The following ACOX2 variants were observed in gnomAD, a reference collection of about 807,000 sequenced individuals.
The protein encoded by ACOX2 is peroxisomal acyl-coenzyme A oxidase 2.
Under a neutral mutation model 77.5 loss-of-function variants are expected in ACOX2, and 59 were observed. The observed-to-expected ratio is 0.76, with a 90% CI of 0.62 to 0.95. ACOX2 has a LOEUF of 0.95. ACOX2 is among the 40% of genes least tolerant of loss of function. ACOX2 has a pLI of 0.00. For synonymous variants in ACOX2, 317 were observed against 340.1 expected (o/e 0.93, Z 0.75); for missense variants, 837 against 880.4 (o/e 0.95, Z 0.62).
In ACOX2 at chr3:58,505,286, C is replaced by A; in HGVS notation, c.1984G>T (p.Glu662Ter). The change falls in exon 15 of 15, where the codon GAG becomes TAG. Residue 662 changes from glutamate (E) to a stop codon, truncating the protein, a stop_gained and splice_region_variant. Coordinates refer to ENST00000302819, the MANE Select transcript of ACOX2 (RefSeq NM_003500.4). LOFTEE classifies it high-confidence loss of function. The surrounding 1 kb of genome is among the most constrained non-coding windows in gnomAD (Gnocchi z 4.4). The stretch of plus-strand genomic sequence containing the variant: ...ATATATTCCTCATAGGCAGGGTTCT[C>A]CTGTTTGTAGAAAGAAACGCATTAT... ...WAQKSPTNTQ[E>*]NPAYEEYIRP... 6.2e-7 allele frequency: 1 copy of A among 1,611,572 alleles called. No individual in the cohort carries two copies. Among genetic ancestry groups the A allele is most frequent in the Non-Finnish European group, 8.5e-7 (1 of 1,178,944 alleles).
chr3:58,520,247 G>GAA (rs1246158855), intron 12 of ACOX2, among the ~76,000 whole-genome samples: 4 of 152,246 alleles, frequency 2.6e-5, no homozygotes, highest in Non-Finnish European at 5.9e-5. Context: ...CTGAGGCTCT[G>GAA]AAAGATTAAG....
Position 58,535,143 on chromosome 3 carries a change from C to T in ACOX2, c.-37G>A. 2 of 1,613,730 alleles carry T rather than the reference C, an allele frequency of 1.2e-6. No individual in the cohort carries two copies. The highest frequency in any genetic ancestry group is 1.1e-5 in the South Asian group (1 of 91,062). ...TCTGTCTGGTGACTATGGAGAGACA[C>T]TTCCAACCCGGCTGCTCCGAGGGTC... On this transcript the variant is annotated 5_prime_UTR_variant, in exon 2 of 15. It adds an upstream start codon to the 5' untranslated region. Transcript: ENST00000302819. This position sits in a 1 kb window ranked among gnomAD's most constrained non-coding sequence, Gnocchi z 4.8.
At position 58,526,839 on chromosome 3, in the gene ACOX2, G is replaced by T; in HGVS notation, c.1156-183C>A. ...CTCAGCTTATGTGACTCACCCAGAG[G>T]CACACAATTAGGCAATGTAGCTGTA... On this transcript the variant is annotated intron_variant, in intron 9 of 14. Transcript: ENST00000302819. The surrounding 1 kb of genome is among the most constrained non-coding windows in gnomAD (Gnocchi z 4.3). 3.2e-6 allele frequency: 2 copies of T among 630,674 alleles called. No individual in the cohort carries two copies. The highest frequency in any genetic ancestry group is 5.4e-6 in the Non-Finnish European group (2 of 371,950). 39.1% of individuals were successfully genotyped at this position (630,674 alleles called of 1,614,324 possible). A position where few individuals can be genotyped will look rare whatever the true frequency, so the allele number is the denominator to read the frequency against.
In ACOX2 at chr3:58,505,713, C is replaced by G. The variant is rs2063229504; in HGVS notation, c.1984-427G>C. Among the ~76,000 whole-genome samples the G allele has an allele frequency of 6.6e-6, 1 of 152,032 alleles. No individual in the cohort carries two copies. Among genetic ancestry groups the G allele is most frequent in the Non-Finnish European group, 1.5e-5 (1 of 68,006 alleles). On this transcript the variant is annotated intron_variant, in intron 14 of 14. Transcript: ENST00000302819. The surrounding 1 kb of genome is among the most constrained non-coding windows in gnomAD (Gnocchi z 4.4). Reference sequence around the variant, plus strand: ...TGATTCTTTGTTTCTTAGTTCTAGTCTCATCTTTTATAATATTTACTTTGT... The same window carrying G: ...TGATTCTTTGTTTCTTAGTTCTAGTGTCATCTTTTATAATATTTACTTTGT...
chr3:58,534,283 T>C lies in ACOX2; in HGVS notation c.323+77A>G. On this transcript the variant is annotated intron_variant, in intron 3 of 14. Transcript: ENST00000302819. This position sits in a 1 kb window ranked among gnomAD's most constrained non-coding sequence, Gnocchi z 4.8. ...CAAGTCTTCCCTTTGTTGGGGGAAA[T>C]GGCTCATGGGGCTAGGGGGTTTCCA... The C allele has an allele frequency of 6.3e-7, 1 of 1,584,180 alleles. No individual in the cohort carries two copies. Among genetic ancestry groups the C allele is most frequent in the Non-Finnish European group, 8.6e-7 (1 of 1,166,380 alleles).
intron 1 of ACOX2, among the ~76,000 whole-genome samples, chr3:58,536,501 A>G (rs1315302006): frequency 1.3e-5 from 2 of 152,148 alleles, no homozygotes; most frequent in Non-Finnish European, 1.5e-5. Context: ...TTTCAAACCA[A>G]TACCCCCAGC....
At chr3:58,529,785 C>A (rs2108007471) in intron 8 of ACOX2, among the ~76,000 whole-genome samples, 1 of 152,366 alleles carries the variant, frequency 6.6e-6, no homozygotes, top group Non-Finnish European at 1.5e-5. Context: ...ACCCTCCACA[C>A]CACACTGAAA....
rs146404156 is a variant in ACOX2, at chr3:58,515,754, A to T, written c.1850+1452T>A. On this transcript the variant is annotated intron_variant, in intron 13 of 14. Transcript: ENST00000302819. This position sits in a 1 kb window ranked among gnomAD's most constrained non-coding sequence, Gnocchi z 4.0. ...TCCATTTTTTTTAATCTTATGGACA[A>T]TGGTAAATAATTTGCAATGTTTTCT... Among the ~76,000 whole-genome samples the T allele has an allele frequency of 6.6e-6, 1 of 152,124 alleles. No homozygotes were observed. The highest frequency in any genetic ancestry group is 2.4e-5 in the African/African-American group (1 of 41,432).
intron 13 of ACOX2, among the ~76,000 whole-genome samples, chr3:58,516,832 G>A (rs1247607499): frequency 6.6e-6 from 1 of 151,328 alleles, no homozygotes; most frequent in Non-Finnish European, 1.5e-5. Flanking sequence ...GCCAGTCCCT[G>A]TCTAAAAAAA....
In ACOX2 at chr3:58,531,499, G is replaced by T; in HGVS notation, c.704-133C>A. Reference sequence around the variant, plus strand: ...TTGTACCTATTTTGCAGGTGAACAAGCTGAGGTCAGAAAGATGCTAAATCT... The same window carrying T: ...TTGTACCTATTTTGCAGGTGAACAATCTGAGGTCAGAAAGATGCTAAATCT... On this transcript the variant is annotated intron_variant, in intron 6 of 14. Transcript: ENST00000302819. This position sits in a 1 kb window ranked among gnomAD's most constrained non-coding sequence, Gnocchi z 5.8. The T allele has an allele frequency of 8.1e-7, 1 of 1,228,278 alleles. No homozygotes were observed. Among genetic ancestry groups the T allele is most frequent in the Non-Finnish European group, 1.1e-6 (1 of 877,736 alleles). 76.1% of individuals were successfully genotyped at this position (1,228,278 alleles called of 1,614,324 possible). A position where few individuals can be genotyped will look rare whatever the true frequency, so the allele number is the denominator to read the frequency against.
intron 13 of ACOX2, among the ~76,000 whole-genome samples, chr3:58,516,600 G>A (rs1560212588): frequency 6.6e-6 from 1 of 152,204 alleles, no homozygotes; most frequent in Non-Finnish European, 1.5e-5. Context: ...CACTTTGGGA[G>A]GCCAAGGCAG....
At chr3:58,536,496 A>G (rs1577004745) in intron 1 of ACOX2, among the ~76,000 whole-genome samples, 1 of 152,158 alleles carries the variant, frequency 6.6e-6, no homozygotes, top group Non-Finnish European at 1.5e-5. Context: ...GAGGCTTTCA[A>G]ACCAATACCC....
intron 13 of ACOX2, among the ~76,000 whole-genome samples, chr3:58,513,386 T>G (rs555325275): frequency 6.6e-6 from 1 of 152,242 alleles, no homozygotes; most frequent in Non-Finnish European, 1.5e-5. Flanking sequence ...GTTCTTCAGA[T>G]GATGAACAGC....
intron 12 of ACOX2, 72 bp from the exon 13 acceptor site, chr3:58,517,495 A>G (rs2063329771): frequency 2.1e-6 from 3 of 1,458,542 alleles, no homozygotes; most frequent in Non-Finnish European, 2.9e-6. Context: ...GAAGCATGGC[A>G]AGATGGCTGG....
In ACOX2 at chr3:58,517,268, G is replaced by A. The variant is rs1322534445; in HGVS notation, c.1788C>T (p.Phe596=). 6.2e-7 allele frequency: 1 copy of A among 1,614,192 alleles called. No homozygotes were observed. The highest frequency in any genetic ancestry group is 1.3e-5 in the African/African-American group (1 of 75,054). ...CCATGTCCACTTGGGCACCAGACAG[G>A]AAGGCGTCATGGAGAAAGTCACCCG... ...TNSGDFLHDA[F]LSGAQVDMAR... The change falls in exon 13 of 15, where the codon TTC becomes TTT. Residue 596 remains phenylalanine, a synonymous_variant. Transcript: ENST00000302819.
intron 13 of ACOX2, among the ~76,000 whole-genome samples, chr3:58,510,693 TATATATATATATATATACACAC>T (rs1229525594): frequency 0.11 from 2,034 of 17,722 alleles, 509 homozygotes; most frequent in Non-Finnish European, 0.13. Flanking sequence ...TATATATATA[TATATATATATATATATACACAC>T]ACACACACAC....
At position 58,531,127 on chromosome 3, in the gene ACOX2, C is replaced by G. The variant is rs113539352; in HGVS notation, c.819+124G>C. ...ACCCCAATCTGTGGGATATCAGAGC[C>G]TCTCTTGGGGGAGGAGGTTATGTGG... On this transcript the variant is annotated intron_variant, in intron 7 of 14. Coordinates refer to ENST00000302819, the MANE Select transcript of ACOX2 (RefSeq NM_003500.4). This position sits in a 1 kb window ranked among gnomAD's most constrained non-coding sequence, Gnocchi z 5.8. The G allele has an allele frequency of 5.2e-3, 4,101 of 788,432 alleles. 13 individuals are homozygous for G. Among genetic ancestry groups the G allele is most frequent in the Admixed American group, 0.012 (415 of 34,990 alleles). The allele number at this position is 788,432 out of a possible 1,614,324, so 48.8% of individuals were successfully genotyped here.
intron 13 of ACOX2, chr3:58,510,859 T>C (rs2063281880): frequency 2.5e-6 from 1 of 400,216 alleles, no homozygotes; most frequent in African/African-American, 2.1e-5. Flanking sequence ...GAAAAAACAA[T>C]CATAACTGGT....
intron 14 of ACOX2, among the ~76,000 whole-genome samples, chr3:58,506,158 ACT>A (rs1452096693): frequency 6.6e-6 from 1 of 152,208 alleles, no homozygotes; most frequent in Non-Finnish European, 1.5e-5. Context: ...CAAAGTATGT[ACT>A]TAGTAAATAT....
Sources: allele counts gnomAD v4.1 joint callset (sites outside exome capture counted in the v4.1 genomes callset), GRCh38; gene constraint gnomAD v4.1.1; non-coding constraint Gnocchi (gnomAD v3.1); transcripts MANE v1.5; gene names NCBI Gene and HGNC (gene_info 2026-07-23, HGNC 2026-07-21).